Variants in ZDHHC23 observed in about 807,000 individuals in gnomAD.
ZDHHC23 encodes zDHHC palmitoyltransferase 23.
Under a neutral mutation model 40.2 loss-of-function variants are expected in ZDHHC23, and 41 were observed. That is an observed-to-expected ratio of 1.02 (90% CI 0.79 to 1.32). ZDHHC23 has a LOEUF of 1.32. ZDHHC23 is among the 40% of genes most tolerant of loss of function. ZDHHC23 has a pLI of 0.00. For missense variants in ZDHHC23, 471 were observed against 541.5 expected (o/e 0.87, Z 1.29); for synonymous variants, 204 against 210.2 (o/e 0.97, Z 0.26).
At chr3:113,965,185 G>C, downstream of ZDHHC23, 2 of 1,606,192 alleles carry the variant, frequency 1.2e-6, no homozygotes, top group Non-Finnish European at 1.7e-6. Context: ...TCTTACTCAA[G>C]GACCAAGTAT....
intron 4 of ZDHHC23, 99 bp from the exon 5 acceptor site, chr3:113,958,264 T>C: frequency 8.8e-7 from 1 of 1,142,658 alleles, no homozygotes; most frequent in East Asian, 2.4e-5. Flanking sequence ...TGCCAAAGTC[T>C]TTAGTAATAA....
intron 4 of ZDHHC23, among the ~76,000 whole-genome samples, chr3:113,956,949 T>G (rs1414075654): frequency 6.6e-6 from 1 of 152,280 alleles, no homozygotes; most frequent in Non-Finnish European, 1.5e-5. Context: ...TCCGACCCTT[T>G]TGAGATGTGC....
At chr3:113,963,582 A>AAT (rs1245943381), downstream of ZDHHC23, among the ~76,000 whole-genome samples, 3 of 143,418 alleles carry the variant, frequency 2.1e-5, no homozygotes, top group East Asian at 5.9e-4. Context: ...ACCAAAAAAA[A>AAT]AAAAAAAAAA....
chr3:113,958,232 C>T, intron 4 of ZDHHC23, 131 bp from the exon 5 acceptor site: 1 of 747,288 alleles, frequency 1.3e-6, no homozygotes, highest in East Asian at 2.5e-5. Flanking sequence ...GAGTATCTTC[C>T]AGTTCGGAGG....
chr3:113,960,745 T>C lies in ZDHHC23; in HGVS notation c.*2115T>C. On this transcript the variant is annotated 3_prime_UTR_variant, in exon 5 of 5. Coordinates refer to ENST00000638807, the MANE Select transcript of ZDHHC23 (RefSeq NM_001320466.2). ...GGTTACTTGGATGAGCCAACTCCGC[T>C]TCCTTCCCATGGATAGGAAGGGACT... The C allele has an allele frequency of 6.4e-7, 1 of 1,566,688 alleles. No individual in the cohort carries two copies. Among genetic ancestry groups the C allele is most frequent in the Non-Finnish European group, 8.6e-7 (1 of 1,163,246 alleles).
chr3:113,978,773 C>T, the ZDHHC23 span: 2 of 1,421,488 alleles, frequency 1.4e-6, no homozygotes, highest in Non-Finnish European at 1.9e-6. Flanking sequence ...ACATAATGAC[C>T]CTGGACATTC....
rs1449841629 is a variant in ZDHHC23, at chr3:113,959,616, A to G, written c.*986A>G. 8.4e-7 allele frequency: 1 copy of G among 1,197,388 alleles called. No homozygotes were observed. The highest frequency in any genetic ancestry group is 1.1e-6 in the Non-Finnish European group (1 of 923,912). The allele number at this position is 1,197,388 out of a possible 1,614,324, so 74.2% of individuals were successfully genotyped here. On this transcript the variant is annotated 3_prime_UTR_variant, in exon 5 of 5. Transcript: ENST00000638807. ...CTCTTTTCTGGTAGGAAGGCTGAGT[A>G]ACATCACGGGCTCGATTATTTTCTT... is the stretch of plus-strand genomic sequence containing the variant.
downstream of ZDHHC23, among the ~76,000 whole-genome samples, chr3:113,968,418 C>CTT (rs1940433947): frequency 6.6e-6 from 1 of 151,840 alleles, no homozygotes; most frequent in Admixed American, 6.6e-5. Context: ...TTTTTGGCCA[C>CTT]TTGTATATCT....
At chr3:113,967,156 G>A (rs1559862902), downstream of ZDHHC23, among the ~76,000 whole-genome samples, 1 of 152,098 alleles carries the variant, frequency 6.6e-6, no homozygotes, top group African/African-American at 2.4e-5. Flanking sequence ...TTACTTCATT[G>A]CTTGCTTTTA....
rs1939707111 is a variant in ZDHHC23 at position 113,961,917 on chromosome 3, T to C, written c.*3287T>C. On this transcript the variant is annotated 3_prime_UTR_variant, in exon 5 of 5. Transcript: ENST00000638807. ...AGCTCAACTAGTATAAGCAAAAATA[T>C]AACATCTAGAAGCACAGTTTTAGCC... 6.6e-6 allele frequency: 1 copy of C among 152,654 alleles called. No individual in the cohort carries two copies. The highest frequency in any genetic ancestry group is 2.4e-5 in the African/African-American group (1 of 41,460). The allele number at this position is 152,654 out of a possible 1,614,324, so 9.5% of individuals were successfully genotyped here.
In ZDHHC23 at chr3:113,948,963, G is replaced by T; in HGVS notation, c.161G>T (p.Arg54Leu). The T allele has an allele frequency of 6.2e-7, 1 of 1,614,050 alleles. No homozygotes were observed. The highest frequency in any genetic ancestry group is 8.5e-7 in the Non-Finnish European group (1 of 1,180,016). Residue 54 changes from arginine (R) to leucine (L), a missense_variant and splice_region_variant, in exon 2 of 5, where the codon CGA (arginine) becomes CTA (leucine). By Grantham distance (102) the Arg-to-Leu change is moderately radical. This residue lies in a region of ZDHHC23 where 83 missense variants were observed against 67.8 expected (regional missense o/e 1.22). Coordinates refer to ENST00000638807, the MANE Select transcript of ZDHHC23 (RefSeq NM_001320466.2). The stretch of plus-strand genomic sequence containing the variant: ...CAAGATCTGGATGAAGGGTGTGATC[G>T]GTAAGAACAGAGCATTTCTTGACGC... ...DCQDLDEGCD[R>L]WITCKSLQPE...
the ZDHHC23 span, among the ~76,000 whole-genome samples, chr3:113,979,359 A>G: frequency 6.6e-6 from 1 of 152,094 alleles, no homozygotes; most frequent in South Asian, 2.1e-4. Context: ...TTGGACAGCA[A>G]CTCCACAACA....
the ZDHHC23 span, chr3:113,978,375 T>C: frequency 3.8e-6 from 6 of 1,597,068 alleles, no homozygotes; most frequent in South Asian, 1.1e-5. Context: ...AAAATATCAG[T>C]TGACAAAGAA....
the ZDHHC23 span, among the ~76,000 whole-genome samples, chr3:113,977,979 T>C: frequency 6.6e-6 from 1 of 152,164 alleles, no homozygotes; most frequent in Non-Finnish European, 1.5e-5. Flanking sequence ...GGCCTCCTCC[T>C]CCTCCCACTT....
At chr3:113,970,779 C>T in the ZDHHC23 span, among the ~76,000 whole-genome samples, 2 of 151,954 alleles carry the variant, frequency 1.3e-5, no homozygotes, top group African/African-American at 4.8e-5. Context: ...CATGTGTTCT[C>T]ATTGTCCAAT....
At chr3:113,970,444 G>T in the ZDHHC23 span, among the ~76,000 whole-genome samples, 1 of 152,092 alleles carries the variant, frequency 6.6e-6, no homozygotes, top group Non-Finnish European at 1.5e-5. Context: ...ACAGCCATGA[G>T]CCATCACATC....
chr3:113,954,276 CA>C lies in ZDHHC23; in HGVS notation c.740del (p.Lys247ArgfsTer36). 6.2e-7 allele frequency: 1 copy of C among 1,614,136 alleles called. No individual in the cohort carries two copies. The highest frequency in any genetic ancestry group is 1.3e-5 in the African/African-American group (1 of 75,052). ...CAAAGGATGACCCCAAGGGCTCTTCCAAGATGCCAGCTGGAAGCCCCACCAA... is the reference window on the plus strand; with the variant it reads ...CAAAGGATGACCCCAAGGGCTCTTCCAGATGCCAGCTGGAAGCCCCACCAA... ...TTKDDPKGSS[K>X]MPAGSPTKAK... On this transcript the variant is annotated frameshift_variant, in exon 3 of 5. Transcript: ENST00000638807. LOFTEE classifies it high-confidence loss of function.
chr3:113,952,467 C>G (rs1403031405), intron 2 of ZDHHC23, among the ~76,000 whole-genome samples: 3 of 152,232 alleles, frequency 2.0e-5, no homozygotes. Flanking sequence ...TTCTCTGCAG[C>G]TCTCCTCTTC....
At chr3:113,954,479 C>A in intron 3 of ZDHHC23, 69 bp downstream of exon 3, 1 of 1,404,162 alleles carries the variant, frequency 7.1e-7, no homozygotes. Context: ...ATTTTATCTT[C>A]CCTTGTGCTA....
Sources: allele counts gnomAD v4.1 joint callset (sites outside exome capture counted in the v4.1 genomes callset), GRCh38; gene constraint gnomAD v4.1.1; regional missense constraint gnomAD v4.1.1; transcripts MANE v1.5; gene names NCBI Gene and HGNC (gene_info 2026-07-23, HGNC 2026-07-21).